The following UBXN2A variants were observed in gnomAD, a reference collection of about 807,000 sequenced individuals.
The protein encoded by UBXN2A is UBX domain protein 2A, also known as UBX domain-containing protein 2A.
Under a neutral mutation model 28.4 loss-of-function variants are expected in UBXN2A, and 28 were observed. The ratio of observed to expected loss-of-function variants is 0.99; its 90% CI spans 0.73 to 1.35. The LOEUF (loss-of-function observed/expected upper bound fraction) is 1.35, where lower values mean the gene tolerates loss of function less well. UBXN2A is among the 40% of genes most tolerant of loss of function. The probability of loss-of-function intolerance (pLI) is 0.00; values close to 1 mark genes in which losing one functional copy is unlikely to be tolerated. For synonymous variants in UBXN2A, 97 were observed against 103.6 expected, an observed-to-expected ratio of 0.94 and a Z score of 0.39; for missense variants, 253 against 297.9, an observed-to-expected ratio of 0.85 and a Z score of 1.11.
chr2:23,932,890 A>G (rs6751955), intron 1 of UBXN2A, among the ~76,000 whole-genome samples: 111,492 of 152,024 alleles, frequency 0.73, 41,343 homozygotes, highest in South Asian at 0.87. Flanking sequence ...GGATCACAAG[A>G]TCAGGAAATA....
chr2:23,942,215 A>T (rs2150797535), intron 1 of UBXN2A, among the ~76,000 whole-genome samples: 1 of 152,314 alleles, frequency 6.6e-6, no homozygotes, highest in Admixed American at 6.5e-5. Flanking sequence ...TTTCCTAGGA[A>T]AGTAATCTTT....
chr2:23,999,909 T>A lies in UBXN2A; in HGVS notation c.*42T>A. Reference sequence around the variant, plus strand: ...TGGAAAATTTGCAGAGAAATGATGGTTGTAAGTGGACATGCAAACCAAAAT... The same window carrying A: ...TGGAAAATTTGCAGAGAAATGATGGATGTAAGTGGACATGCAAACCAAAAT... On this transcript the variant is annotated 3_prime_UTR_variant, in exon 7 of 7. Transcript: ENST00000309033. 6.3e-7 allele frequency: 1 copy of A among 1,591,846 alleles called. No individual in the cohort carries two copies. Among genetic ancestry groups the A allele is most frequent in the South Asian group, 1.1e-5 (1 of 88,390 alleles).
intron 1 of UBXN2A, among the ~76,000 whole-genome samples, chr2:23,950,929 T>C (rs1706333437): frequency 6.6e-6 from 1 of 151,180 alleles, no homozygotes; most frequent in African/African-American, 2.4e-5. Context: ...TCCACCCACA[T>C]TGGCCTCCCA....
chr2:23,990,884 G>A (rs72781652), intron 6 of UBXN2A, among the ~76,000 whole-genome samples: 18,491 of 151,956 alleles, frequency 0.12, 1,196 homozygotes, highest in Middle Eastern at 0.21. Flanking sequence ...TTCCATTCAT[G>A]TCAGGTTTAA....
chr2:23,944,493 AC>A (rs1198815401), intron 1 of UBXN2A: 1 of 633,426 alleles, frequency 1.6e-6, no homozygotes, highest in African/African-American at 1.8e-5. Flanking sequence ...TTGGAACAGT[AC>A]AGTACCTTGT....
intron 4 of UBXN2A, among the ~76,000 whole-genome samples, chr2:23,977,516 C>G (rs567977657): frequency 1.3e-5 from 2 of 151,990 alleles, no homozygotes; most frequent in African/African-American, 4.8e-5. Flanking sequence ...GTGGCACATG[C>G]CTGTAATCCC....
At chr2:23,961,165 G>A (rs1174899545) in intron 2 of UBXN2A, among the ~76,000 whole-genome samples, 1 of 151,424 alleles carries the variant, frequency 6.6e-6, no homozygotes, top group African/African-American at 2.4e-5. Context: ...GTACAATCTT[G>A]GCTCACTGCA....
intron 4 of UBXN2A, 25 bp downstream of exon 4, chr2:23,977,100 A>C: frequency 3.1e-6 from 5 of 1,590,954 alleles, no homozygotes; most frequent in Non-Finnish European, 3.4e-6. Flanking sequence ...GTGGTAGGTC[A>C]AGCCTGTAAA....
chr2:23,933,594 T>C (rs2150784315), intron 1 of UBXN2A, among the ~76,000 whole-genome samples: 1 of 152,166 alleles, frequency 6.6e-6, no homozygotes, highest in Non-Finnish European at 1.5e-5. Context: ...ATGATGTAAG[T>C]ACCTGTAGTC....
chr2:23,993,258 G>A (rs147920217), intron 6 of UBXN2A, among the ~76,000 whole-genome samples: 57 of 152,188 alleles, frequency 3.7e-4, no homozygotes, highest in African/African-American at 1.3e-3. Context: ...TTATCTTCAG[G>A]GAAATAAATT....
intron 1 of UBXN2A, among the ~76,000 whole-genome samples, chr2:23,942,605 G>A (rs1371119479): frequency 6.6e-6 from 1 of 151,616 alleles, no homozygotes; most frequent in Non-Finnish European, 1.5e-5. Context: ...TTTTAGTAGA[G>A]ATGGAGTTTC....
At chr2:23,985,795 A>G (rs1708102358) in intron 6 of UBXN2A, among the ~76,000 whole-genome samples, 1 of 152,098 alleles carries the variant, frequency 6.6e-6, no homozygotes, top group Non-Finnish European at 1.5e-5. Flanking sequence ...CAGGAGTTCA[A>G]GATCAGCCTG....
intron 1 of UBXN2A, among the ~76,000 whole-genome samples, chr2:23,932,803 T>C (rs1705409651): frequency 6.6e-6 from 1 of 151,558 alleles, no homozygotes; most frequent in Non-Finnish European, 1.5e-5. Flanking sequence ...AAACAGAAAA[T>C]CACAAAAGAA....
At chr2:23,961,694 C>G (rs1206494477) in intron 2 of UBXN2A, among the ~76,000 whole-genome samples, 1 of 148,418 alleles carries the variant, frequency 6.7e-6, no homozygotes, top group Non-Finnish European at 1.5e-5. Context: ...ACTGTAGGTG[C>G]ACACCACCAC....
At chr2:23,969,750 G>T (rs1455636716) in intron 2 of UBXN2A, among the ~76,000 whole-genome samples, 1 of 152,142 alleles carries the variant, frequency 6.6e-6, no homozygotes, top group Admixed American at 6.6e-5. Context: ...AGTCCAGGAG[G>T]TTGAGGCAGC....
chr2:23,940,592 ACGGTGCCTG>A lies in UBXN2A; in HGVS notation c.-61_-53del, dbSNP rs1573527307. The A allele has an allele frequency of 2.0e-5, 3 of 151,238 alleles. No individual in the cohort carries two copies. Among genetic ancestry groups the A allele is most frequent in the South Asian group, 2.1e-4 (1 of 4,828 alleles). The allele number at this position is 151,238 out of a possible 1,614,324, so 9.4% of individuals were successfully genotyped here. Reference sequence around the variant, plus strand: ...CCAGCCAAACGGAGCCCGCGGCCAAACGGTGCCTGCGGTGCCTGAGCTGAGTGAGGCCGA... The same window carrying A: ...CCAGCCAAACGGAGCCCGCGGCCAAACGGTGCCTGAGCTGAGTGAGGCCGA... On this transcript the variant is annotated 5_prime_UTR_variant, in exon 1 of 7. Coordinates refer to ENST00000309033, the MANE Select transcript of UBXN2A (RefSeq NM_181713.4).
chr2:23,946,914 G>A, intron 1 of UBXN2A, among the ~76,000 whole-genome samples: 1 of 145,486 alleles, frequency 6.9e-6, no homozygotes, highest in South Asian at 2.2e-4. Flanking sequence ...TTTTGAGACA[G>A]GGTCTCACTC....
intron 6 of UBXN2A, chr2:23,997,050 T>G (rs1708568744): frequency 6.6e-6 from 1 of 152,152 alleles, no homozygotes; most frequent in Non-Finnish European, 1.5e-5. Context: ...GCTTCCCAAG[T>G]AGCTGGGACT....
At position 24,002,044 on chromosome 2, in the gene UBXN2A, A is replaced by G. The variant is rs186174333; in HGVS notation, c.*2177A>G. The G allele has an allele frequency of 6.4e-3, 975 of 152,298 alleles. 5 individuals are homozygous for G. The highest frequency in any genetic ancestry group is 9.9e-3 in the Non-Finnish European group (674 of 68,044). 9.4% of individuals were successfully genotyped at this position (152,298 alleles called of 1,614,324 possible). On this transcript the variant is annotated 3_prime_UTR_variant, in exon 7 of 7. Coordinates refer to ENST00000309033, the MANE Select transcript of UBXN2A (RefSeq NM_181713.4). ...GTAATCCTAGCACTTTGGGAGGCCA[A>G]GACAGGTGGATCACTTGAGCCCAGG...
Sources: gnomAD v4.1 joint callset for allele counts (sites outside exome capture counted in the v4.1 genomes callset) on GRCh38, gnomAD v4.1.1 for gene constraint, MANE v1.5 for transcripts, NCBI Gene and HGNC (gene_info 2026-07-23, HGNC 2026-07-21) for gene names.